SLC25A21: variants seen among roughly 807,000 people sequenced by gnomAD.
SLC25A21 encodes solute carrier family 25 member 21.
A neutral mutation model predicts 43.8 loss-of-function variants in SLC25A21; 47 were observed. That is an observed-to-expected ratio of 1.07 (90% confidence interval 0.85 to 1.37). SLC25A21 has a LOEUF of 1.37. SLC25A21 is among the 40% of genes most tolerant of loss of function. The probability of loss-of-function intolerance (pLI) is 0.00; values close to 1 mark genes in which losing one functional copy is unlikely to be tolerated. For missense variants in SLC25A21, 352 were observed against 350.2 expected (o/e 1.00, Z -0.04); for synonymous variants, 131 against 121.3 (o/e 1.08, Z -0.52).
At chr14:37,060,399 AATAAT>A (rs1961921144) in intron 1 of SLC25A21, among the ~76,000 whole-genome samples, 1 of 146,716 alleles carries the variant, frequency 6.8e-6, no homozygotes, top group Non-Finnish European at 1.5e-5. Flanking sequence ...TAATAATAAT[AATAAT>A]AATAATAATA....
chr14:36,750,168 A>T (rs1186527892), intron 3 of SLC25A21, among the ~76,000 whole-genome samples: 1 of 152,204 alleles, frequency 6.6e-6, no homozygotes, highest in Non-Finnish European at 1.5e-5. Context: ...ATTTTGAACT[A>T]TTCTAAGATC....
At chr14:37,170,448 T>A (rs1964104440) in intron 1 of SLC25A21, among the ~76,000 whole-genome samples, 1 of 152,180 alleles carries the variant, frequency 6.6e-6, no homozygotes, top group Admixed American at 6.6e-5. Flanking sequence ...AGGATGTTAA[T>A]CAATTGGCCT....
intron 3 of SLC25A21, among the ~76,000 whole-genome samples, chr14:36,812,204 T>C (rs996948555): frequency 2.0e-5 from 3 of 152,190 alleles, no homozygotes; most frequent in East Asian, 2.0e-4. Flanking sequence ...AGGACAGTTG[T>C]GTTTTTCATC....
intron 1 of SLC25A21, among the ~76,000 whole-genome samples, chr14:36,940,664 T>A (rs1482955170): frequency 6.6e-6 from 1 of 152,120 alleles, no homozygotes; most frequent in Non-Finnish European, 1.5e-5. Context: ...AAGAATTTAA[T>A]CGTTCTGTGG....
At chr14:36,885,265 T>C (rs187638208) in intron 1 of SLC25A21, among the ~76,000 whole-genome samples, 1 of 152,310 alleles carries the variant, frequency 6.6e-6, no homozygotes, top group Admixed American at 6.5e-5. Flanking sequence ...GGAAAATCAA[T>C]TGACCATAAA....
chr14:37,031,654 T>C (rs1961213479), intron 1 of SLC25A21, among the ~76,000 whole-genome samples: 1 of 152,174 alleles, frequency 6.6e-6, no homozygotes, highest in Non-Finnish European at 1.5e-5. Context: ...CTAGATTAAG[T>C]TCAGCCATAA....
chr14:37,080,340 C>T (rs1962362182), intron 1 of SLC25A21, among the ~76,000 whole-genome samples: 1 of 152,142 alleles, frequency 6.6e-6, no homozygotes, highest in Non-Finnish European at 1.5e-5. Context: ...TGCCAGTAAT[C>T]CCAGAATTTA....
At chr14:36,826,244 A>C (rs961199321) in intron 2 of SLC25A21, among the ~76,000 whole-genome samples, 2 of 152,070 alleles carry the variant, frequency 1.3e-5, no homozygotes, top group African/African-American at 4.8e-5. Context: ...CCAATGTAGC[A>C]TTTTTGGGGT....
At chr14:36,838,968 C>T (rs185133263) in intron 2 of SLC25A21, among the ~76,000 whole-genome samples, 1 of 152,316 alleles carries the variant, frequency 6.6e-6, no homozygotes, top group Non-Finnish European at 1.5e-5. Flanking sequence ...GTGGAGTGTG[C>T]ATTCCACAAC....
intron 1 of SLC25A21, among the ~76,000 whole-genome samples, chr14:37,111,938 A>T (rs1963026880): frequency 6.6e-6 from 1 of 152,236 alleles, no homozygotes; most frequent in African/African-American, 2.4e-5. Context: ...ACAAATCGTG[A>T]AATGGAAAAA....
chr14:37,053,174 C>T (rs2138800896), intron 1 of SLC25A21, among the ~76,000 whole-genome samples: 1 of 152,126 alleles, frequency 6.6e-6, no homozygotes, highest in South Asian at 2.1e-4. Flanking sequence ...TGTTTTATAT[C>T]CTATGAAAAT....
Position 36,768,608 on chromosome 14 carries a change from C to G in SLC25A21, c.204-34035G>C, listed in dbSNP as rs143078618. 2.2e-4 allele frequency among the ~76,000 whole-genome samples: 33 copies of G among 152,240 alleles called. No homozygotes were observed. The East Asian group carries it at 5.0e-3, about 23-fold the overall frequency. On this transcript the variant is annotated intron_variant, in intron 3 of 9. Transcript: ENST00000331299. ...ATTGCTTTCAGCTGACTGAAAGTTG[C>G]TTTCAGACAGACCTGGATCCAAATC...
chr14:36,766,525 C>G (rs747388589), intron 3 of SLC25A21, among the ~76,000 whole-genome samples: 10 of 152,164 alleles, frequency 6.6e-5, no homozygotes, highest in Non-Finnish European at 1.2e-4. Flanking sequence ...CTGGGTCCCA[C>G]AACCTTACTG....
At chr14:36,881,020 ACATTGAG>A (rs1194620094) in intron 1 of SLC25A21, among the ~76,000 whole-genome samples, 3 of 152,184 alleles carry the variant, frequency 2.0e-5, no homozygotes, top group Non-Finnish European at 2.9e-5. Context: ...TAAAGGGAAG[ACATTGAG>A]CAGAAAATAG....
chr14:37,147,389 C>T (rs1963683496), intron 1 of SLC25A21, among the ~76,000 whole-genome samples: 2 of 152,050 alleles, frequency 1.3e-5, no homozygotes, highest in East Asian at 1.9e-4. Context: ...TCAAATGGCC[C>T]TCCTGGTCTT....
chr14:37,118,492 A>C (rs7153409), intron 1 of SLC25A21, among the ~76,000 whole-genome samples: 116,316 of 152,126 alleles, frequency 0.76, 48,983 homozygotes, highest in South Asian at 0.95. Context: ...ACTGGTTCTG[A>C]ATATGTAAAG....
chr14:36,911,482 C>T (rs1414557807), intron 1 of SLC25A21, among the ~76,000 whole-genome samples: 1 of 152,148 alleles, frequency 6.6e-6, no homozygotes, highest in Admixed American at 6.5e-5. Flanking sequence ...TGACTCCAGG[C>T]TTGGCCACGT....
intron 9 of SLC25A21, among the ~76,000 whole-genome samples, chr14:36,681,244 T>A (rs900028456): frequency 6.6e-6 from 1 of 152,208 alleles, no homozygotes; most frequent in Non-Finnish European, 1.5e-5. Context: ...AAAATCTGCA[T>A]TGCAAAACCT....
At chr14:37,040,248 A>AAGGGAGGGAGGGAGGG (rs1397612718) in intron 1 of SLC25A21, among the ~76,000 whole-genome samples, 1 of 2,218 alleles carries the variant, frequency 4.5e-4, no homozygotes, top group Non-Finnish European at 8.6e-4. Context: ...GGAAGGGAGG[A>AAGGGAGGGAGGGAGGG]AGGGAGGGAG....
Sources: allele counts gnomAD v4.1 joint callset (sites outside exome capture counted in the v4.1 genomes callset), GRCh38; gene constraint gnomAD v4.1.1; transcripts MANE v1.5; gene names NCBI Gene and HGNC (gene_info 2026-07-23, HGNC 2026-07-21).